The following ZNF282 variants were observed in gnomAD, a reference collection of about 807,000 sequenced individuals.
ZNF282 encodes HTLV-I U5 repressive element-binding protein 1.
ZNF282 carries 30 observed loss-of-function variants against 61.9 expected under a neutral mutation model. That is an observed-to-expected ratio of 0.48 (90% CI 0.36 to 0.66). ZNF282 has a LOEUF of 0.66. ZNF282 is among the 30% of genes least tolerant of loss of function. The probability of loss-of-function intolerance (pLI) is 0.00; values close to 1 mark genes in which losing one functional copy is unlikely to be tolerated. For missense variants in ZNF282, 788 were observed against 941.4 expected, an observed-to-expected ratio of 0.84 and a Z score of 2.13; for synonymous variants, 396 against 405.0, an observed-to-expected ratio of 0.98 and a Z score of 0.27.
At chr7:149,212,961 T>G (rs1796110386) in intron 6 of ZNF282, among the ~76,000 whole-genome samples, 1 of 152,222 alleles carries the variant, frequency 6.6e-6, no homozygotes, top group Non-Finnish European at 1.5e-5. Flanking sequence ...AGAAAATTAT[T>G]TACATTTTCT....
Position 149,223,954 on chromosome 7 carries a change from C to A in ZNF282, c.1323C>A (p.Gly441=), listed in dbSNP as rs770907770. The part of the protein sequence containing the change: ...PPIAVAENPG[G]PPSRGLLDDG... ...TCGCGGTGGCCGAGAACCCGGGCGG[C>A]CCCCCGAGCCGAGGGCTGCTGGACG... is the stretch of plus-strand genomic sequence containing the variant. The change falls in exon 8 of 8, where the codon GGC becomes GGA. Residue 441 remains glycine (G), a synonymous_variant. Coordinates refer to ENST00000610704, the MANE Select transcript of ZNF282 (RefSeq NM_003575.4). 1.5e-6 allele frequency: 2 copies of A among 1,302,968 alleles called. No individual in the cohort carries two copies. Among genetic ancestry groups the A allele is most frequent in the East Asian group, 6.3e-5 (2 of 31,672 alleles). The allele number at this position is 1,302,968 out of a possible 1,614,324, so 80.7% of individuals were successfully genotyped here. A position where few individuals can be genotyped will look rare whatever the true frequency, so the allele number is the denominator to read the frequency against.
chr7:149,220,371 C>T (rs1191013484), intron 7 of ZNF282, among the ~76,000 whole-genome samples: 3 of 151,962 alleles, frequency 2.0e-5, no homozygotes, highest in South Asian at 2.1e-4. Flanking sequence ...GAGATCGCGC[C>T]ACTGCACTCC....
chr7:149,217,691 G>A (rs1796180585), intron 7 of ZNF282, among the ~76,000 whole-genome samples: 1 of 152,200 alleles, frequency 6.6e-6, no homozygotes, highest in African/African-American at 2.4e-5. Context: ...AGGGAGAACA[G>A]GAAGGAGTGT....
intron 7 of ZNF282, among the ~76,000 whole-genome samples, chr7:149,220,049 A>T (rs752963058): frequency 1.1e-4 from 17 of 152,110 alleles, no homozygotes; most frequent in Non-Finnish European, 2.1e-4. Context: ...AAGGTCGGAG[A>T]TAACTAGACC....
chr7:149,223,819 C>T lies in ZNF282; in HGVS notation c.1188C>T (p.Ser396=). ...TTCTTCCTATCTCCCCAGGTGACAGCCTGCTGATGGTGAAGAACCCACCCC... is the reference window on the plus strand; with the variant it reads ...TTCTTCCTATCTCCCCAGGTGACAGTCTGCTGATGGTGAAGAACCCACCCC... ...ELGLDSGPSD[S]LLMVKNPPPA... The change falls in exon 8 of 8, where the codon AGC becomes AGT. Residue 396 remains serine, a synonymous_variant. Transcript: ENST00000610704. 6.7e-7 allele frequency: 1 copy of T among 1,489,304 alleles called. No homozygotes were observed. Among genetic ancestry groups the T allele is most frequent in the Non-Finnish European group, 8.9e-7 (1 of 1,127,190 alleles). The allele number at this position is 1,489,304 out of a possible 1,614,324, so 92.3% of individuals were successfully genotyped here. A position where few individuals can be genotyped will look rare whatever the true frequency, so the allele number is the denominator to read the frequency against.
At chr7:149,221,406 C>T (rs959376712) in intron 7 of ZNF282, among the ~76,000 whole-genome samples, 7 of 152,148 alleles carry the variant, frequency 4.6e-5, no homozygotes, top group South Asian at 2.1e-4. Flanking sequence ...ATGGTGAGAA[C>T]GTGGATTGAG....
Position 149,198,414 on chromosome 7 carries a change from G to A in ZNF282, c.247G>A (p.Asp83Asn), listed in dbSNP as rs1795854724. The A allele has an allele frequency of 1.2e-6, 2 of 1,614,130 alleles. No homozygotes were observed. Among genetic ancestry groups the A allele is most frequent in the Non-Finnish European group, 1.7e-6 (2 of 1,180,028 alleles). ...PFPDRAPVFP[D>N]RMMREPQLPT... ...TCCAGATAGGGCACCTGTCTTCCCC[G>A]ACCGCATGATGCGAGAGCCCCAGTT... The change falls in exon 2 of 8, where the codon GAC becomes AAC. Residue 83 changes from aspartate (D) to asparagine (N), a missense_variant. By Grantham distance (23) the Asp-to-Asn change is conservative. Transcript: ENST00000610704. The surrounding 1 kb of genome is among the most constrained non-coding windows in gnomAD (Gnocchi z 4.3).
In ZNF282 at chr7:149,225,336, T is replaced by G. The variant is rs1796352130; in HGVS notation, c.*689T>G. On this transcript the variant is annotated 3_prime_UTR_variant, in exon 8 of 8. Transcript: ENST00000610704. ...CCTGGTCTCTCTTCCTTTCCTGGTC[T>G]CTCTTCCTTTCCTTGCTCTCACCCA... is the stretch of plus-strand genomic sequence containing the variant. 6.6e-6 allele frequency: 1 copy of G among 152,442 alleles called. No homozygotes were observed. Among genetic ancestry groups the G allele is most frequent in the Non-Finnish European group, 1.5e-5 (1 of 68,212 alleles). The allele number at this position is 152,442 out of a possible 1,614,324, so 9.4% of individuals were successfully genotyped here.
chr7:149,204,551 T>C (rs1427548655), intron 2 of ZNF282, among the ~76,000 whole-genome samples: 1 of 150,336 alleles, frequency 6.7e-6, no homozygotes, highest in African/African-American at 2.5e-5. Context: ...AGGCAGGAGG[T>C]GGAGGAAGAG....
chr7:149,198,566 G>A lies in ZNF282; in HGVS notation c.399G>A (p.Leu133=), dbSNP rs1268519858. The change falls in exon 2 of 8, where the codon CTG becomes CTA. Residue 133 remains leucine, a synonymous_variant. Transcript: ENST00000610704. This position sits in a 1 kb window ranked among gnomAD's most constrained non-coding sequence, Gnocchi z 4.3. ...GCACGGGGACAGCCGAGAAGAAGCTGGCCGACTGTGAAAAGACGGCCGTGG... is the reference window on the plus strand; with the variant it reads ...GCACGGGGACAGCCGAGAAGAAGCTAGCCGACTGTGAAAAGACGGCCGTGG... ...EGRTGTAEKK[L]ADCEKTAVEF... 6.2e-7 allele frequency: 1 copy of A among 1,614,212 alleles called. No individual in the cohort carries two copies. Among genetic ancestry groups the A allele is most frequent in the South Asian group, 1.1e-5 (1 of 91,088 alleles).
At chr7:149,220,960 C>T (rs1796239667) in intron 7 of ZNF282, among the ~76,000 whole-genome samples, 1 of 146,392 alleles carries the variant, frequency 6.8e-6, no homozygotes, top group African/African-American at 2.6e-5. Context: ...CACTCTGTCA[C>T]CCAGGCTGGA....
chr7:149,207,765 C>G (rs546143554), intron 4 of ZNF282, among the ~76,000 whole-genome samples: 1 of 152,352 alleles, frequency 6.6e-6, no homozygotes, highest in African/African-American at 2.4e-5. Context: ...CTTACGCTAC[C>G]GCCCCAGGCC....
At chr7:149,212,563 T>G in intron 6 of ZNF282, 92 bp downstream of exon 6, 5 of 1,002,284 alleles carry the variant, frequency 5.0e-6, no homozygotes, top group Non-Finnish European at 7.3e-6. Flanking sequence ...ATGCAGCTGA[T>G]ACTAAAATTA....
chr7:149,212,022 A>C (rs1359291336), intron 5 of ZNF282, among the ~76,000 whole-genome samples: 1 of 152,218 alleles, frequency 6.6e-6, no homozygotes, highest in Non-Finnish European at 1.5e-5. Flanking sequence ...GCTTTCTGGA[A>C]GTTTTCATCT....
rs117968814 is a variant in ZNF282, at chr7:149,199,375, T to C, written c.585+623T>C. On this transcript the variant is annotated intron_variant, in intron 2 of 7. Transcript: ENST00000610704. ...CGGTGGCCACAGACTCTGCTTTCCC[T>C]TGTTCCTGTGGCTTGATGTCCCCTG... 3.8e-3 allele frequency among the ~76,000 whole-genome samples: 583 copies of C among 152,238 alleles called. 2 individuals carry two copies. Among genetic ancestry groups the C allele is most frequent in the Non-Finnish European group, 3.7e-3 (249 of 68,008 alleles).
chr7:149,207,552 C>G, intron 4 of ZNF282, 82 bp downstream of exon 4: 1 of 1,525,366 alleles, frequency 6.6e-7, no homozygotes, highest in Non-Finnish European at 8.8e-7. Context: ...TGCCGCGAGG[C>G]GCCACTGTGT....
Position 149,213,662 on chromosome 7 carries a change from T to G in ZNF282, c.1067-39T>G, listed in dbSNP as rs1009316758. ...CCTTTGATGGGAGGCCGAGTAGAAC[T>G]GAACAAAATCTAAGACTGCCTTCTT... is the stretch of plus-strand genomic sequence containing the variant. On this transcript the variant is annotated intron_variant, in intron 6 of 7. Coordinates refer to ENST00000610704, the MANE Select transcript of ZNF282 (RefSeq NM_003575.4). 4.6e-6 allele frequency: 7 copies of G among 1,533,964 alleles called. No individual in the cohort carries two copies. The South Asian group carries it at 4.6e-5, about 10-fold the overall frequency.
In ZNF282 at chr7:149,215,153, A is replaced by G. The variant is rs184980040; in HGVS notation, c.1180+1339A>G. Among the ~76,000 whole-genome samples, 45 of 151,124 alleles carry G rather than the reference A, an allele frequency of 3.0e-4. No individual in the cohort carries two copies. The East Asian group carries it at 8.2e-3, about 27-fold the overall frequency. On this transcript the variant is annotated intron_variant, in intron 7 of 7. Coordinates refer to ENST00000610704, the MANE Select transcript of ZNF282 (RefSeq NM_003575.4). ...TGTCTTCTGGCTGGTCAAAGGCTTA[A>G]CAGAATAGCTGCATGTGTGTTCCCT... is the stretch of plus-strand genomic sequence containing the variant.
rs764983452 is a variant in ZNF282, at chr7:149,224,380, C to T, written c.1749C>T (p.Tyr583=). ...PYKCSECEKT[Y]SRKEHLQNHQ... is the part of the protein sequence containing the mutation. ...AGTGCTCGGAGTGCGAGAAGACCTA[C>T]AGCCGTAAGGAGCACCTGCAGAACC... The change falls in exon 8 of 8, where the codon TAC becomes TAT. Residue 583 remains tyrosine, a synonymous_variant. Coordinates refer to ENST00000610704, the MANE Select transcript of ZNF282 (RefSeq NM_003575.4). 5.6e-6 allele frequency: 9 copies of T among 1,614,008 alleles called. No individual in the cohort carries two copies. In the South Asian group the frequency reaches 9.9e-5, roughly 18 times the overall value.
Sources: gnomAD v4.1 joint callset for allele counts (sites outside exome capture counted in the v4.1 genomes callset) on GRCh38, gnomAD v4.1.1 for gene constraint, Gnocchi (gnomAD v3.1) non-coding constraint, MANE v1.5 for transcripts, NCBI Gene and HGNC (gene_info 2026-07-23, HGNC 2026-07-21) for gene names.